Variants in MSI2 observed in about 807,000 individuals in gnomAD.
MSI2 encodes the protein musashi RNA binding protein 2.
A neutral mutation model predicts 45.6 loss-of-function variants in MSI2; 17 were observed. The ratio of observed to expected loss-of-function variants is 0.37; its 90% CI spans 0.26 to 0.56. The LOEUF (loss-of-function observed/expected upper bound fraction) is 0.56. Ranked by LOEUF, MSI2 falls within the 20% of genes least tolerant of loss-of-function variation. The pLI is 0.77. For missense variants in MSI2, 293 were observed against 444.2 expected, an observed-to-expected ratio of 0.66 and a Z score of 3.06; for synonymous variants, 156 against 158.2, an observed-to-expected ratio of 0.99 and a Z score of 0.11.
chr17:57,617,036 T>C (rs1308549320), intron 9 of MSI2, among the ~76,000 whole-genome samples: 1 of 152,270 alleles, frequency 6.6e-6, no homozygotes, highest in Non-Finnish European at 1.5e-5. Context: ...GCCCTTTCTA[T>C]ATTTTCAGAT....
chr17:57,275,454 C>A (rs1908754181), intron 5 of MSI2, among the ~76,000 whole-genome samples: 1 of 152,250 alleles, frequency 6.6e-6, no homozygotes, highest in Admixed American at 6.5e-5. Flanking sequence ...GATCTACAAA[C>A]CCATGAGCCC....
chr17:57,441,055 G>A (rs938956563), intron 6 of MSI2, among the ~76,000 whole-genome samples: 43 of 152,192 alleles, frequency 2.8e-4, no homozygotes, highest in African/African-American at 1.0e-3. Context: ...TGCTGGAGAC[G>A]GATGTTTTCA....
At chr17:57,577,239 A>G (rs915129773) in intron 7 of MSI2, among the ~76,000 whole-genome samples, 2 of 152,242 alleles carry the variant, frequency 1.3e-5, no homozygotes, top group African/African-American at 4.8e-5. Flanking sequence ...TGAAGAATTT[A>G]GCAACACCTC....
chr17:57,558,798 C>T lies in MSI2; in HGVS notation c.454+29074C>T, dbSNP rs188389663. Among the ~76,000 whole-genome samples, 272 of 152,316 alleles carry T rather than the reference C, an allele frequency of 1.8e-3. 1 individual carries two copies. Among genetic ancestry groups the T allele is most frequent in the Non-Finnish European group, 2.5e-3 (168 of 68,028 alleles). On this transcript the variant is annotated intron_variant, in intron 7 of 13. Coordinates refer to ENST00000284073, the MANE Select transcript of MSI2 (RefSeq NM_138962.4). ...AGGTTCAGCCAAGCGCGGTGGCTCA[C>T]GCCTGTAATTCCAGCACTTTGGGAG...
At chr17:57,306,696 C>T (rs757905320) in intron 5 of MSI2, among the ~76,000 whole-genome samples, 9 of 152,120 alleles carry the variant, frequency 5.9e-5, no homozygotes, top group Non-Finnish European at 1.3e-4. Flanking sequence ...GCTCTGCTGC[C>T]AATTTTATTT....
chr17:57,355,609 G>A (rs792380), intron 5 of MSI2, among the ~76,000 whole-genome samples: 2,042 of 152,218 alleles, frequency 0.013, 45 homozygotes, highest in African/African-American at 0.046. Context: ...GCTGATTTTC[G>A]TGGTTACCAC....
chr17:57,647,997 C>G (rs1191605584), intron 10 of MSI2, among the ~76,000 whole-genome samples: 5 of 151,740 alleles, frequency 3.3e-5, no homozygotes, highest in Non-Finnish European at 5.9e-5. Flanking sequence ...GAGTCTTGCT[C>G]TCTCACCCAG....
intron 6 of MSI2, among the ~76,000 whole-genome samples, chr17:57,466,283 G>C (rs1006765634): frequency 1.2e-4 from 18 of 152,194 alleles, no homozygotes; most frequent in African/African-American, 4.3e-4. Flanking sequence ...AAAATTAATG[G>C]GGTCTCTGTG....
intron 5 of MSI2, among the ~76,000 whole-genome samples, chr17:57,285,216 A>T (rs531448507): frequency 6.6e-6 from 1 of 152,336 alleles, no homozygotes; most frequent in East Asian, 1.9e-4. Flanking sequence ...AAACTTTCAG[A>T]GTAGCCGGAG....
intron 5 of MSI2, among the ~76,000 whole-genome samples, chr17:57,322,256 T>C (rs1414813666): frequency 1.3e-5 from 2 of 152,158 alleles, no homozygotes; most frequent in Admixed American, 1.3e-4. Context: ...TGAGGCCAAC[T>C]TCTTTGGTCC....
chr17:57,547,199 C>T (rs2087189706), intron 7 of MSI2, among the ~76,000 whole-genome samples: 1 of 152,054 alleles, frequency 6.6e-6, no homozygotes, highest in Non-Finnish European at 1.5e-5. Flanking sequence ...GCTGGGGCCT[C>T]CAAGAGGGAC....
chr17:57,459,358 C>T (rs1193978474), intron 6 of MSI2, among the ~76,000 whole-genome samples: 1 of 152,092 alleles, frequency 6.6e-6, no homozygotes. Context: ...TGTCCTCAGT[C>T]GGACTTTCTA....
chr17:57,525,284 G>T (rs2086674502), intron 6 of MSI2, among the ~76,000 whole-genome samples: 2 of 150,200 alleles, frequency 1.3e-5, no homozygotes, highest in African/African-American at 4.8e-5. Context: ...GGGGGGGCAG[G>T]TGGGGGAGGT....
intron 10 of MSI2, among the ~76,000 whole-genome samples, chr17:57,634,537 C>A (rs2033033594): frequency 6.6e-6 from 1 of 151,962 alleles, no homozygotes; most frequent in Admixed American, 6.6e-5. Context: ...TTCAGAGTGC[C>A]CTCTAGAGAA....
intron 6 of MSI2, among the ~76,000 whole-genome samples, chr17:57,512,680 T>C (rs896363560): frequency 6.6e-6 from 1 of 152,210 alleles, no homozygotes; most frequent in South Asian, 2.1e-4. Flanking sequence ...TGCAGCCTTG[T>C]GGCAGGACAC....
At chr17:57,432,988 C>T (rs2084626319) in intron 6 of MSI2, among the ~76,000 whole-genome samples, 1 of 152,192 alleles carries the variant, frequency 6.6e-6, no homozygotes, top group Non-Finnish European at 1.5e-5. Context: ...TCCTCTGTTC[C>T]CAACTTGCAG....
intron 5 of MSI2, among the ~76,000 whole-genome samples, chr17:57,367,241 G>A (rs1295874830): frequency 1.3e-5 from 2 of 152,120 alleles, no homozygotes; most frequent in Non-Finnish European, 2.9e-5. Context: ...CTTCACGCTT[G>A]GTGAACAAGA....
At chr17:57,545,361 G>C (rs1232927905) in intron 7 of MSI2, among the ~76,000 whole-genome samples, 1 of 152,212 alleles carries the variant, frequency 6.6e-6, no homozygotes, top group Non-Finnish European at 1.5e-5. Flanking sequence ...GGACCAGACA[G>C]ATGGATAGCA....
At chr17:57,267,600 C>T (rs772186547) in intron 5 of MSI2, 14 of 151,682 alleles carry the variant, frequency 9.2e-5, no homozygotes, top group South Asian at 4.2e-4. Flanking sequence ...GGACAATCTT[C>T]GGCCGAAAAC....
Sources: allele counts gnomAD v4.1 joint callset (sites outside exome capture counted in the v4.1 genomes callset), GRCh38; gene constraint gnomAD v4.1.1; transcripts MANE v1.5; gene names NCBI Gene and HGNC (gene_info 2026-07-23, HGNC 2026-07-21).